Variants in TMC3 observed in about 807,000 individuals in gnomAD.
The protein encoded by TMC3 is transmembrane channel like 3, also known as transmembrane channel-like protein 3.
A neutral mutation model predicts 110.6 loss-of-function variants in TMC3; 98 were observed. The observed-to-expected ratio is 0.89, with a 90% CI of 0.75 to 1.05. The LOEUF is 1.05. TMC3 is among the 50% of genes least tolerant of loss of function. The pLI is 0.00. For missense variants in TMC3, 1,319 were observed against 1,373.2 expected (o/e 0.96, Z 0.62); for synonymous variants, 489 against 513.1 (o/e 0.95, Z 0.63).
At chr15:81,373,387 A>G (rs1461978653) in intron 1 of TMC3, among the ~76,000 whole-genome samples, 2 of 152,240 alleles carry the variant, frequency 1.3e-5, no homozygotes, top group Non-Finnish European at 2.9e-5. Context: ...ACTCCCAGTT[A>G]CACTTAATAT....
At chr15:81,338,049 A>C (rs2141692906) in intron 18 of TMC3, 125 bp from the exon 19 acceptor site, 2 of 722,690 alleles carry the variant, frequency 2.8e-6, no homozygotes, top group Non-Finnish European at 2.5e-6. Flanking sequence ...CTATCCACTG[A>C]CCCTCCGCTA....
intron 15 of TMC3, chr15:81,343,058 A>G (rs923295645): frequency 6.2e-6 from 3 of 481,808 alleles, no homozygotes; most frequent in Admixed American, 3.4e-5. Flanking sequence ...TGCGACCAAT[A>G]GTAGCTTAAA....
At chr15:81,364,150 G>A (rs568586494) in intron 3 of TMC3, among the ~76,000 whole-genome samples, 2 of 115,460 alleles carry the variant, frequency 1.7e-5, no homozygotes, top group Admixed American at 8.1e-5. Context: ...ACTTTTGTAG[G>A]TGGGGGTAAA....
chr15:81,373,841 G>T, intron 1 of TMC3, 148 bp downstream of exon 1: 1 of 711,820 alleles, frequency 1.4e-6, no homozygotes, highest in Non-Finnish European at 2.3e-6. Flanking sequence ...CATCCTAGTT[G>T]TACCACAACC....
intron 16 of TMC3, among the ~76,000 whole-genome samples, chr15:81,340,258 AGACTT>A (rs1193612549): frequency 6.6e-6 from 1 of 151,934 alleles, no homozygotes; most frequent in Non-Finnish European, 1.5e-5. Flanking sequence ...CTCATGAAAA[AGACTT>A]GACTAAAAGA....
At chr15:81,345,788 A>C (rs183112950) in intron 12 of TMC3, among the ~76,000 whole-genome samples, 48 of 152,222 alleles carry the variant, frequency 3.2e-4, no homozygotes, top group African/African-American at 1.1e-3. Context: ...AGATGGGAGT[A>C]TCACTTGAGC....
chr15:81,340,976 A>G (rs529045394), intron 16 of TMC3, among the ~76,000 whole-genome samples: 2 of 152,230 alleles, frequency 1.3e-5, no homozygotes, highest in Non-Finnish European at 2.9e-5. Flanking sequence ...ACATCAAGTA[A>G]AACCCAGGCA....
intron 14 of TMC3, 129 bp downstream of exon 14, chr15:81,343,788 A>C: frequency 9.8e-7 from 1 of 1,020,332 alleles, no homozygotes; most frequent in Non-Finnish European, 1.4e-6. Context: ...TTCTGCACCC[A>C]TCTCTTCCCA....
chr15:81,357,238 A>T (rs1183632062), intron 7 of TMC3, among the ~76,000 whole-genome samples: 1 of 152,090 alleles, frequency 6.6e-6, no homozygotes, highest in Admixed American at 6.6e-5. Context: ...TAAGCTGGAA[A>T]GCTTCAGGGG....
intron 12 of TMC3, 78 bp downstream of exon 12, chr15:81,346,287 G>GA (rs1893826468): frequency 7.7e-6 from 10 of 1,296,808 alleles, no homozygotes; most frequent in Non-Finnish European, 1.1e-5. Flanking sequence ...TCCTGTCCAC[G>GA]ATGATGACCC....
rs1403822495 is a variant in TMC3, at chr15:81,332,398, G to A, written c.*21C>T. ...ACTCCAACAGGGGCCTGACCTCTAG[G>A]AACGGGACACTGGAGGAAGCCTAGA... On this transcript the variant is annotated 3_prime_UTR_variant, in exon 22 of 22. Transcript: ENST00000359440. 3 of 1,576,860 alleles carry A rather than the reference G, an allele frequency of 1.9e-6. No homozygotes were observed. The Admixed American group carries it at 5.2e-5, about 27-fold the overall frequency.
In TMC3 at chr15:81,338,785, G is replaced by T; in HGVS notation, c.1956-5C>A. 2 of 1,613,104 alleles carry T rather than the reference G, an allele frequency of 1.2e-6. No individual in the cohort carries two copies. The highest frequency in any genetic ancestry group is 2.2e-5 in the South Asian group (2 of 90,900). On this transcript the variant is annotated splice_polypyrimidine_tract_variant and splice_region_variant and intron_variant, in intron 17 of 21. Coordinates refer to ENST00000359440, the MANE Select transcript of TMC3 (RefSeq NM_001080532.3). Reference sequence around the variant, plus strand: ...TCATAAATTTTCTCTTGTCCACTGTGAGAAAGAAAAACATAACTCCAGATT... The same window carrying T: ...TCATAAATTTTCTCTTGTCCACTGTTAGAAAGAAAAACATAACTCCAGATT...
chr15:81,333,306 C>A, intron 21 of TMC3, 44 bp from the exon 22 acceptor site: 1 of 1,563,350 alleles, frequency 6.4e-7, no homozygotes, highest in South Asian at 1.2e-5. Flanking sequence ...TTGGTGGTCT[C>A]AGAGCCCCAC....
chr15:81,333,019 T>C lies in TMC3; in HGVS notation c.2703A>G (p.Leu901=). The C allele has an allele frequency of 1.4e-5, 22 of 1,613,934 alleles. No individual in the cohort carries two copies. Among genetic ancestry groups the C allele is most frequent in the Non-Finnish European group, 1.9e-5 (22 of 1,179,858 alleles). Residue 901 remains leucine (L), a synonymous_variant, in exon 22 of 22, where the codon CTA becomes CTG. Transcript: ENST00000359440. The part of the protein sequence containing the change: ...NECDSYKKKH[L]NVWPERHFKI... ...TGAAATGTCTTTCTGGCCAGACATT[T>C]AGATGTTTTTTCTTGTAAGAGTCAC...
chr15:81,358,129 G>A lies in TMC3; in HGVS notation c.743+20C>T, dbSNP rs766885754. The A allele has an allele frequency of 1.3e-6, 2 of 1,563,396 alleles. No homozygotes were observed. Among genetic ancestry groups the A allele is most frequent in the African/African-American group, 2.7e-5 (2 of 72,896 alleles). ...TATCATAACGCTTGATATGTATTTTGAGAAATTGAGCAGTCATACTTTTTT... is the reference window on the plus strand; with the variant it reads ...TATCATAACGCTTGATATGTATTTTAAGAAATTGAGCAGTCATACTTTTTT... On this transcript the variant is annotated intron_variant, in intron 7 of 21. Coordinates refer to ENST00000359440, the MANE Select transcript of TMC3 (RefSeq NM_001080532.3).
chr15:81,354,007 A>G (rs574891740), intron 9 of TMC3, among the ~76,000 whole-genome samples: 5 of 152,234 alleles, frequency 3.3e-5, no homozygotes, highest in Non-Finnish European at 7.3e-5. Context: ...CACTTCTCAT[A>G]TGCCTCTGAT....
chr15:81,363,471 T>C (rs1159149455), intron 3 of TMC3, among the ~76,000 whole-genome samples: 3 of 152,230 alleles, frequency 2.0e-5, no homozygotes, highest in Non-Finnish European at 2.9e-5. Flanking sequence ...TATGACATTC[T>C]GAACTATAAG....
chr15:81,334,700 G>C lies in TMC3; in HGVS notation c.2459+20C>G. 6.2e-7 allele frequency: 1 copy of C among 1,610,310 alleles called. No homozygotes were observed. The highest frequency in any genetic ancestry group is 1.1e-5 in the South Asian group (1 of 90,868). The stretch of plus-strand genomic sequence containing the variant: ...TCTCTCACATTCCAGGTTTTAATCT[G>C]TGCTGCAGTGGAGCCTCACCTGTTA... On this transcript the variant is annotated intron_variant, in intron 21 of 21. Coordinates refer to ENST00000359440, the MANE Select transcript of TMC3 (RefSeq NM_001080532.3).
At chr15:81,364,671 T>A (rs1894265867) in intron 3 of TMC3, among the ~76,000 whole-genome samples, 1 of 117,534 alleles carries the variant, frequency 8.5e-6, no homozygotes, top group South Asian at 2.7e-4. Flanking sequence ...ACCCTAAAAC[T>A]TAAAGTATAA....
Sources: gnomAD v4.1 joint callset for allele counts (sites outside exome capture counted in the v4.1 genomes callset) on GRCh38, gnomAD v4.1.1 for gene constraint, MANE v1.5 for transcripts, NCBI Gene and HGNC (gene_info 2026-07-23, HGNC 2026-07-21) for gene names.